ZNF385D: variants seen among roughly 807,000 people sequenced by gnomAD.
ZNF385D encodes zinc finger protein 385D.
Under a neutral mutation model 35.8 loss-of-function variants are expected in ZNF385D, and 15 were observed. The ratio of observed to expected loss-of-function variants is 0.42; its 90% confidence interval spans 0.28 to 0.64. The LOEUF is 0.64. Among genes scored for constraint, ZNF385D ranks in the 30% least tolerant of loss-of-function variants. ZNF385D has a pLI of 0.23. For missense variants in ZNF385D, 474 were observed against 494.6 expected (o/e 0.96, Z 0.39); for synonymous variants, 212 against 186.8 (o/e 1.13, Z -1.10).
chr3:21,492,479 G>T (rs1234926862), intron 4 of ZNF385D, among the ~76,000 whole-genome samples: 9 of 148,336 alleles, frequency 6.1e-5, no homozygotes, highest in Non-Finnish European at 1.2e-4. Context: ...ACTACTCTTC[G>T]TATTACTAAA....
intron 2 of ZNF385D, among the ~76,000 whole-genome samples, chr3:22,217,371 T>C (rs982610768): frequency 6.6e-6 from 1 of 152,252 alleles, no homozygotes; most frequent in Non-Finnish European, 1.5e-5. Context: ...GAACACAAAC[T>C]TCTTCCTTCA....
intron 3 of ZNF385D, among the ~76,000 whole-genome samples, chr3:22,106,665 G>C (rs2969106): frequency 1.3e-5 from 2 of 151,922 alleles, no homozygotes; most frequent in South Asian, 4.1e-4. Flanking sequence ...GTTGGCTGAA[G>C]GCCTGACCTC....
At chr3:22,018,017 C>G (rs1042396930) in intron 3 of ZNF385D, among the ~76,000 whole-genome samples, 1 of 151,720 alleles carries the variant, frequency 6.6e-6, no homozygotes, top group African/African-American at 2.4e-5. Flanking sequence ...TGATATTTAA[C>G]TGGATATAGA....
intron 2 of ZNF385D, among the ~76,000 whole-genome samples, chr3:21,621,744 T>G (rs2065012611): frequency 6.6e-6 from 1 of 152,022 alleles, no homozygotes; most frequent in South Asian, 2.1e-4. Context: ...TGTAACCTAT[T>G]ATCTTCTGAG....
chr3:21,814,626 G>A (rs1007706105), intron 3 of ZNF385D, among the ~76,000 whole-genome samples: 2 of 152,280 alleles, frequency 1.3e-5, no homozygotes, highest in Middle Eastern at 3.4e-3. Context: ...TCAACAAGAA[G>A]AGCTAACTAT....
At chr3:22,343,931 T>TA (rs202126238) in intron 2 of ZNF385D, among the ~76,000 whole-genome samples, 1,925 of 151,846 alleles carry the variant, frequency 0.013, 23 homozygotes, top group Middle Eastern at 0.028. Flanking sequence ...CCACATCCAT[T>TA]AAAAAAAATG....
chr3:22,015,519 C>T (rs991485781), intron 3 of ZNF385D, among the ~76,000 whole-genome samples: 1 of 152,106 alleles, frequency 6.6e-6, no homozygotes, highest in Non-Finnish European at 1.5e-5. Flanking sequence ...CAGTTTAGCA[C>T]CTGGTGACTC....
chr3:22,153,431 T>G (rs1280431473), intron 3 of ZNF385D, among the ~76,000 whole-genome samples: 4 of 151,728 alleles, frequency 2.6e-5, no homozygotes, highest in Non-Finnish European at 4.4e-5. Flanking sequence ...ACCCCGTGCC[T>G]GTTTTAATTC....
chr3:21,509,362 C>T (rs530171331), intron 4 of ZNF385D, among the ~76,000 whole-genome samples: 20 of 152,134 alleles, frequency 1.3e-4, no homozygotes, highest in Non-Finnish European at 2.6e-4. Flanking sequence ...CTTTGGGGAT[C>T]CCCACCTGTG....
At chr3:21,481,745 C>G (rs1172941299) in intron 4 of ZNF385D, among the ~76,000 whole-genome samples, 2 of 152,060 alleles carry the variant, frequency 1.3e-5, no homozygotes, top group East Asian at 3.9e-4. Flanking sequence ...TTGGAAGTCA[C>G]CTTTCTGAAA....
intron 2 of ZNF385D, among the ~76,000 whole-genome samples, chr3:22,365,324 C>G (rs1696604060): frequency 6.6e-6 from 1 of 151,694 alleles, no homozygotes; most frequent in Non-Finnish European, 1.5e-5. Context: ...GGCGAAATAT[C>G]AACTAATATC....
chr3:22,357,767 C>G (rs1696224305), intron 2 of ZNF385D, among the ~76,000 whole-genome samples: 1 of 151,784 alleles, frequency 6.6e-6, no homozygotes, highest in Non-Finnish European at 1.5e-5. Flanking sequence ...AAATCACACA[C>G]CAACTTTTAA....
chr3:21,944,811 G>A (rs1415477264), intron 3 of ZNF385D, among the ~76,000 whole-genome samples: 1 of 151,924 alleles, frequency 6.6e-6, no homozygotes, highest in African/African-American at 2.4e-5. Flanking sequence ...ATTTTTTCCA[G>A]AATAAATGAG....
intron 3 of ZNF385D, among the ~76,000 whole-genome samples, chr3:22,068,433 T>C (rs1700069495): frequency 6.6e-6 from 1 of 152,198 alleles, no homozygotes; most frequent in Non-Finnish European, 1.5e-5. Flanking sequence ...CATCTGAATG[T>C]CTCTTTTTCC....
rs1559740714 is a variant in ZNF385D at position 21,905,228 on chromosome 3, A to AC, written c.326-240201dup. Among the ~76,000 whole-genome samples the AC allele has an allele frequency of 1.0e-4, 15 of 146,846 alleles. 1 individual carries two copies. The highest frequency in any genetic ancestry group is 2.2e-4 in the South Asian group (1 of 4,596). On this transcript the variant is annotated intron_variant, in intron 3 of 5. Transcript: ENST00000494108. ...TCCAAAAAAAAAAAAAAAAAAAAAA[A>AC]CCCTAAACCTGCCTTTATTATTTTT...
intron 2 of ZNF385D, among the ~76,000 whole-genome samples, chr3:22,216,986 C>T (rs1697929169): frequency 6.6e-6 from 1 of 152,104 alleles, no homozygotes; most frequent in Non-Finnish European, 1.5e-5. Flanking sequence ...CTTGAATTTT[C>T]ATAAACAAAA....
chr3:21,493,488 T>G (rs1297434917), intron 4 of ZNF385D, among the ~76,000 whole-genome samples: 1 of 152,148 alleles, frequency 6.6e-6, no homozygotes, highest in Non-Finnish European at 1.5e-5. Context: ...TTGACACCTT[T>G]GTATGAAAAA....
At chr3:21,783,997 T>C (rs1309790643) in intron 3 of ZNF385D, among the ~76,000 whole-genome samples, 1 of 152,048 alleles carries the variant, frequency 6.6e-6, no homozygotes, top group Non-Finnish European at 1.5e-5. Context: ...TTTTTTTCAA[T>C]CAGGACTCAC....
chr3:21,494,640 T>A (rs950687458), intron 4 of ZNF385D, among the ~76,000 whole-genome samples: 11 of 152,164 alleles, frequency 7.2e-5, no homozygotes, highest in Non-Finnish European at 1.6e-4. Context: ...GGTTTCTTTA[T>A]CTGTAAATTT....
Sources: gnomAD v4.1 joint callset for allele counts (sites outside exome capture counted in the v4.1 genomes callset) on GRCh38, gnomAD v4.1.1 for gene constraint, MANE v1.5 for transcripts, NCBI Gene and HGNC (gene_info 2026-07-23, HGNC 2026-07-21) for gene names.